The following PCDHA7 variants were observed in gnomAD, a reference collection of about 807,000 sequenced individuals.
The protein encoded by PCDHA7 is protocadherin alpha-7.
In PCDHA7, 37 loss-of-function variants were observed where a neutral mutation model predicts 57.2. The ratio of observed to expected loss-of-function variants is 0.65; its 90% confidence interval spans 0.50 to 0.85. The LOEUF is 0.85. Among genes scored for constraint, PCDHA7 ranks in the 40% least tolerant of loss-of-function variants. The pLI is 0.00. For missense variants in PCDHA7, 1,188 were observed against 1,241.8 expected (o/e 0.96, Z 0.65); for synonymous variants, 553 against 558.8 (o/e 0.99, Z 0.15).
chr5:140,982,526 T>A lies in PCDHA7; in HGVS notation c.2466T>A (p.Pro822=). Residue 822 remains proline (P), a synonymous_variant, in exon 3 of 4, where the codon CCT becomes CCA. Coordinates refer to ENST00000525929, the MANE Select transcript of PCDHA7 (RefSeq NM_018910.3). ...TTCTACGGGCTGGTCCAGGAGGGCC[T>A]GATCAGCAGTGGCCAACAGTATCCA... ...AGILRAGPGG[P]DQQWPTVSSA... is the part of the protein sequence containing the mutation. 1.2e-6 allele frequency: 2 copies of A among 1,614,192 alleles called. No individual in the cohort carries two copies. Among genetic ancestry groups the A allele is most frequent in the Non-Finnish European group, 1.7e-6 (2 of 1,180,028 alleles).
At chr5:140,870,483 C>A (rs782740203) in intron 1 of PCDHA7, 13 of 1,614,122 alleles carry the variant, frequency 8.1e-6, no homozygotes, top group East Asian at 2.2e-5. Context: ...CCGAGTACAC[C>A]GTGTTCGTGA....
At chr5:140,880,822 A>G (rs893258483) in intron 1 of PCDHA7, among the ~76,000 whole-genome samples, 1 of 152,206 alleles carries the variant, frequency 6.6e-6, no homozygotes, top group Non-Finnish European at 1.5e-5. Context: ...GAGTGTCTGG[A>G]AGGGCATATT....
chr5:140,970,948 C>A (rs1339410112), intron 1 of PCDHA7, among the ~76,000 whole-genome samples: 2 of 152,114 alleles, frequency 1.3e-5, no homozygotes, highest in East Asian at 3.8e-4. Flanking sequence ...TGCTGAGAAA[C>A]CATGGGAGGC....
chr5:140,862,493 C>G, intron 1 of PCDHA7: 1 of 388,776 alleles, frequency 2.6e-6, no homozygotes, highest in East Asian at 6.9e-5. Flanking sequence ...GGTAATCGCT[C>G]GGAATGGGGA....
chr5:140,869,509 A>G (rs199564677), intron 1 of PCDHA7: 13 of 1,614,206 alleles, frequency 8.1e-6, no homozygotes, highest in Middle Eastern at 1.6e-4. Context: ...GTTCTCGCTC[A>G]GAGAACAAAA....
chr5:140,854,880 T>C (rs1244023349), intron 1 of PCDHA7, among the ~76,000 whole-genome samples: 4 of 150,006 alleles, frequency 2.7e-5, no homozygotes, highest in African/African-American at 9.8e-5. Flanking sequence ...CTGTGTCTTT[T>C]GGGCATTTGA....
intron 1 of PCDHA7, among the ~76,000 whole-genome samples, chr5:140,938,718 G>A (rs1186763511): frequency 5.3e-5 from 8 of 151,986 alleles, no homozygotes; most frequent in Non-Finnish European, 1.0e-4. Flanking sequence ...ATAGAAACGC[G>A]TTTCTACAGA....
chr5:140,940,029 C>T (rs1411990785), intron 1 of PCDHA7, among the ~76,000 whole-genome samples: 4 of 152,136 alleles, frequency 2.6e-5, no homozygotes, highest in East Asian at 1.9e-4. Flanking sequence ...TGTTTTAAGG[C>T]TATTTTATTT....
intron 1 of PCDHA7, among the ~76,000 whole-genome samples, chr5:140,949,857 G>A (rs1554219193): frequency 6.6e-6 from 1 of 151,520 alleles, no homozygotes; most frequent in East Asian, 1.9e-4. Context: ...CCGCTTATCT[G>A]TTGTCTTTTG....
chr5:140,893,111 T>G (rs2063826181), intron 1 of PCDHA7, among the ~76,000 whole-genome samples: 1 of 152,236 alleles, frequency 6.6e-6, no homozygotes, highest in Non-Finnish European at 1.5e-5. Flanking sequence ...TATTCCGTTG[T>G]GCATATACAC....
At chr5:140,893,575 T>C (rs930167579) in intron 1 of PCDHA7, among the ~76,000 whole-genome samples, 6 of 152,220 alleles carry the variant, frequency 3.9e-5, no homozygotes, top group Non-Finnish European at 7.3e-5. Flanking sequence ...CCTCAGTTTT[T>C]GCTTGTTTGG....
intron 1 of PCDHA7, chr5:140,842,220 G>A: frequency 1.2e-6 from 2 of 1,613,146 alleles, no homozygotes; most frequent in Non-Finnish European, 1.7e-6. Flanking sequence ...CGAAATACGG[G>A]AGAAATAGTG....
intron 1 of PCDHA7, chr5:140,966,281 G>C (rs1261464121): frequency 8.2e-5 from 30 of 366,710 alleles, no homozygotes; most frequent in Non-Finnish European, 1.3e-4. Flanking sequence ...TGGACAGTGG[G>C]GGTAGGGAGA....
chr5:140,841,795 C>G (rs2150322842), intron 1 of PCDHA7: 8 of 1,613,824 alleles, frequency 5.0e-6, no homozygotes, highest in Non-Finnish European at 6.8e-6. Flanking sequence ...AGGGCGCGTC[C>G]GATGCAGATG....
At chr5:140,876,184 A>T in intron 1 of PCDHA7, 1 of 1,613,968 alleles carries the variant, frequency 6.2e-7, no homozygotes. Flanking sequence ...TGTGAATGAC[A>T]ATGGTCCGGC....
intron 1 of PCDHA7, chr5:140,871,181 T>C (rs782405877): frequency 6.2e-7 from 1 of 1,613,552 alleles, no homozygotes; most frequent in Admixed American, 1.7e-5. Flanking sequence ...GCTGCGCTGG[T>C]GGATGTCAAC....
At position 140,843,422 on chromosome 5, in the gene PCDHA7, A is replaced by T. The variant is rs2150359586; in HGVS notation, c.2355+6684A>T. The T allele has an allele frequency of 9.4e-6, 15 of 1,595,774 alleles. 3 individuals are homozygous for T. Among genetic ancestry groups the T allele is most frequent in the Admixed American group, 5.1e-5 (3 of 59,266 alleles). The stretch of plus-strand genomic sequence containing the variant: ...GCTGGTGGATGTCAACGTGTACCTG[A>T]TCATCGCCATCTGCGCGGTATCCAG... On this transcript the variant is annotated intron_variant, in intron 1 of 3. Transcript: ENST00000525929.
chr5:140,935,341 G>A (rs1318000398), intron 1 of PCDHA7, among the ~76,000 whole-genome samples: 5 of 152,046 alleles, frequency 3.3e-5, no homozygotes, highest in Non-Finnish European at 5.9e-5. Context: ...TCTCCCATAC[G>A]TCAAATCCCA....
intron 1 of PCDHA7, among the ~76,000 whole-genome samples, chr5:140,938,974 G>T (rs534312375): frequency 6.6e-6 from 1 of 152,230 alleles, no homozygotes; most frequent in Non-Finnish European, 1.5e-5. Context: ...TGGCATCAAG[G>T]CTATCCTGGC....
Sources: gnomAD v4.1 joint callset for allele counts (sites outside exome capture counted in the v4.1 genomes callset) on GRCh38, gnomAD v4.1.1 for gene constraint, MANE v1.5 for transcripts, NCBI Gene and HGNC (gene_info 2026-07-23, HGNC 2026-07-21) for gene names.